CDV3: variants seen among roughly 807,000 people sequenced by gnomAD.
CDV3 encodes CDV3 homolog.
Under a neutral mutation model 24.5 loss-of-function variants are expected in CDV3, and 14 were observed. That is an observed-to-expected ratio of 0.57 (90% CI 0.38 to 0.89). The LOEUF (loss-of-function observed/expected upper bound fraction) is 0.89, where lower values mean the gene tolerates loss of function less well. Ranked by LOEUF, CDV3 falls within the 40% of genes least tolerant of loss-of-function variation. The pLI, the probability that CDV3 is intolerant of heterozygous loss-of-function variation, is 0.00. For synonymous variants in CDV3, 114 were observed against 114.1 expected (o/e 1.00, Z 0.00); for missense variants, 304 against 310.2 (o/e 0.98, Z 0.15).
chr3:133,589,471 CAA>C lies in CDV3; in HGVS notation c.*1426_*1427del, dbSNP rs752385000. 2 of 152,618 alleles carry C rather than the reference CAA, an allele frequency of 1.3e-5. No individual in the cohort carries two copies. The highest frequency in any genetic ancestry group is 2.9e-5 in the Non-Finnish European group (2 of 68,042). 9.5% of individuals were successfully genotyped at this position (152,618 alleles called of 1,614,324 possible). A position where few individuals can be genotyped will look rare whatever the true frequency, so the allele number is the denominator to read the frequency against. ...GGATTACAGAAGAGTGTCCACCTAA[CAA>C]GATGGTCTGGCAGTTTCCTAGTTTT... On this transcript the variant is annotated 3_prime_UTR_variant, in exon 5 of 5. Coordinates refer to ENST00000264993, the MANE Select transcript of CDV3 (RefSeq NM_017548.5).
At chr3:133,578,265 C>A (rs572052010) in intron 2 of CDV3, among the ~76,000 whole-genome samples, 3 of 152,176 alleles carry the variant, frequency 2.0e-5, no homozygotes, top group Non-Finnish European at 4.4e-5. Flanking sequence ...AGCTGCTAGG[C>A]CCAGCCACTT....
At chr3:133,581,413 A>AT (rs1355608414) in intron 2 of CDV3, among the ~76,000 whole-genome samples, 7 of 152,172 alleles carry the variant, frequency 4.6e-5, no homozygotes, top group African/African-American at 1.7e-4. Flanking sequence ...ATAAAAAATG[A>AT]TTTTTTATGT....
intron 3 of CDV3, among the ~76,000 whole-genome samples, chr3:133,586,305 C>T (rs557016694): frequency 6.6e-6 from 1 of 151,880 alleles, no homozygotes; most frequent in Non-Finnish European, 1.5e-5. Flanking sequence ...CATGTTGGCC[C>T]AGCTGGTCTT....
intron 2 of CDV3, among the ~76,000 whole-genome samples, chr3:133,576,018 A>G (rs2074792547): frequency 6.6e-6 from 1 of 152,258 alleles, no homozygotes; most frequent in Non-Finnish European, 1.5e-5. Context: ...TGCGAGGCAC[A>G]GTGGAGGAAA....
Position 133,587,891 on chromosome 3 carries a change from C to A in CDV3, c.627-5C>A, listed in dbSNP as rs775558972. 6.3e-7 allele frequency: 1 copy of A among 1,596,780 alleles called. No individual in the cohort carries two copies. The highest frequency in any genetic ancestry group is 1.1e-5 in the South Asian group (1 of 88,950). ...TATTTACTGATTACATTTCTTTTCC[C>A]TTAGGGATAAAGAAATGGAGAAGAG... On this transcript the variant is annotated splice_region_variant and splice_polypyrimidine_tract_variant and intron_variant, in intron 4 of 4. Transcript: ENST00000264993.
Position 133,574,074 on chromosome 3 carries a change from C to A in CDV3, c.30C>A (p.Asp10Glu). 1.6e-6 allele frequency: 2 copies of A among 1,237,800 alleles called. No homozygotes were observed. Among genetic ancestry groups the A allele is most frequent in the Non-Finnish European group, 1.0e-6 (1 of 965,098 alleles). 76.7% of individuals were successfully genotyped at this position (1,237,800 alleles called of 1,614,324 possible). The change falls in exon 1 of 5, where the codon GAC (aspartate) becomes GAA (glutamate). Residue 10 changes from aspartate to glutamate, a missense_variant. Asp to Glu is a conservative substitution (Grantham distance 45). Coordinates refer to ENST00000264993, the MANE Select transcript of CDV3 (RefSeq NM_017548.5). ...CTGAGACGGAGGAGCGGAGCCTGGA[C>A]AACTTCTTTGCCAAGAGGGACAAGA... MAETEERSLDNFFAKRDKKK... is the reference protein window; with the variant it reads MAETEERSLENFFAKRDKKK...
At chr3:133,578,039 G>A (rs2074882952) in intron 2 of CDV3, among the ~76,000 whole-genome samples, 1 of 152,074 alleles carries the variant, frequency 6.6e-6, no homozygotes, top group Admixed American at 6.5e-5. Flanking sequence ...ACCCAGGTTG[G>A]AATGCAGTGG....
chr3:133,576,861 T>TTTTTTTTTTTTTG (rs2074833513), intron 2 of CDV3, among the ~76,000 whole-genome samples: 1 of 137,426 alleles, frequency 7.3e-6, no homozygotes, highest in Non-Finnish European at 1.6e-5. Flanking sequence ...TTTTTTTTTT[T>TTTTTTTTTTTTTG]TTTGAGACGA....
Position 133,588,154 on chromosome 3 carries a change from A to C in CDV3, c.*108A>C. The C allele has an allele frequency of 1.9e-6, 3 of 1,553,462 alleles. No homozygotes were observed. Among genetic ancestry groups the C allele is most frequent in the Non-Finnish European group, 2.6e-6 (3 of 1,151,384 alleles). On this transcript the variant is annotated 3_prime_UTR_variant, in exon 5 of 5. Transcript: ENST00000264993. ...GGATCTACAGACACCGATGCAGACC[A>C]CTCGATTTCATGACCGGCCCTATTG...
intron 2 of CDV3, among the ~76,000 whole-genome samples, chr3:133,579,482 A>G (rs765204550): frequency 1.3e-5 from 2 of 152,260 alleles, no homozygotes; most frequent in African/African-American, 4.8e-5. Flanking sequence ...ATGAAAAAGT[A>G]ATAAAATATG....
Position 133,589,902 on chromosome 3 carries a change from G to A in CDV3, c.*1856G>A, listed in dbSNP as rs1933949985. On this transcript the variant is annotated 3_prime_UTR_variant, in exon 5 of 5. Transcript: ENST00000264993. Reference sequence around the variant, plus strand: ...AAACTGAAGACTTTTATTTGGGAATGAAAAACCTTAAAAAAATCTCTTCAT... The same window carrying A: ...AAACTGAAGACTTTTATTTGGGAATAAAAAACCTTAAAAAAATCTCTTCAT... 1 of 152,156 alleles carries A rather than the reference G, an allele frequency of 6.6e-6. No homozygotes were observed. The highest frequency in any genetic ancestry group is 2.4e-5 in the African/African-American group (1 of 41,436). 9.4% of individuals were successfully genotyped at this position (152,156 alleles called of 1,614,324 possible). A position where few individuals can be genotyped will look rare whatever the true frequency, so the allele number is the denominator to read the frequency against.
intron 1 of CDV3, chr3:133,574,770 TC>T (rs1213892507): frequency 9.0e-7 from 1 of 1,106,596 alleles, no homozygotes; most frequent in Non-Finnish European, 1.1e-6. Context: ...GTTGTGAAAT[TC>T]CTATTGACTT....
chr3:133,575,341 C>T (rs2074766046), intron 2 of CDV3, among the ~76,000 whole-genome samples: 2 of 152,226 alleles, frequency 1.3e-5, no homozygotes, highest in East Asian at 1.9e-4. Context: ...AGCTTGCCTA[C>T]TTCCAGTTCT....
intron 2 of CDV3, among the ~76,000 whole-genome samples, chr3:133,578,259 G>T (rs1348018954): frequency 3.3e-5 from 5 of 152,162 alleles, no homozygotes; most frequent in Non-Finnish European, 7.3e-5. Context: ...CGCATGAGCT[G>T]CTAGGCCCAG....
intron 4 of CDV3, 68 bp downstream of exon 4, chr3:133,586,790 G>A (rs1159139435): frequency 1.1e-6 from 1 of 945,272 alleles, no homozygotes; most frequent in Non-Finnish European, 1.7e-6. Flanking sequence ...GGGATATAGG[G>A]GATGTGCATA....
chr3:133,574,007 C>G lies in CDV3; in HGVS notation c.-38C>G, dbSNP rs1221986017. The G allele has an allele frequency of 1.9e-6, 2 of 1,038,866 alleles. No individual in the cohort carries two copies. Among genetic ancestry groups the G allele is most frequent in the Non-Finnish European group, 2.3e-6 (2 of 861,552 alleles). 64.4% of individuals were successfully genotyped at this position (1,038,866 alleles called of 1,614,324 possible). Reference sequence around the variant, plus strand: ...TCGGAGCCCCGCGGGCCGCGCCCGCCGCCGGCCCCACCCATCCGGGTCGAG... The same window carrying G: ...TCGGAGCCCCGCGGGCCGCGCCCGCGGCCGGCCCCACCCATCCGGGTCGAG... On this transcript the variant is annotated 5_prime_UTR_variant, in exon 1 of 5. Transcript: ENST00000264993.
At chr3:133,579,100 C>T (rs2074924185) in intron 2 of CDV3, among the ~76,000 whole-genome samples, 1 of 152,198 alleles carries the variant, frequency 6.6e-6, no homozygotes, top group Non-Finnish European at 1.5e-5. Context: ...TATGTTTCCT[C>T]ATACATACAT....
intron 3 of CDV3, 151 bp downstream of exon 3, chr3:133,584,301 A>C: frequency 1.9e-6 from 1 of 532,166 alleles, no homozygotes; most frequent in Non-Finnish European, 3.3e-6. Context: ...ATATCTTGTT[A>C]AAGACTTTAA....
Position 133,574,056 on chromosome 3 carries a change from G to A in CDV3, c.12G>A (p.Thr4=). ...AGGAGGCCGAGGCCATGGCTGAGAC[G>A]GAGGAGCGGAGCCTGGACAACTTCT... The part of the protein sequence containing the change: MAE[T]EERSLDNFFA... Residue 4 remains threonine (T), a synonymous_variant, in exon 1 of 5, where the codon ACG becomes ACA. Transcript: ENST00000264993. 1 of 1,212,610 alleles carries A rather than the reference G, an allele frequency of 8.2e-7. No homozygotes were observed. Among genetic ancestry groups the A allele is most frequent in the Non-Finnish European group, 1.1e-6 (1 of 950,722 alleles). The allele number at this position is 1,212,610 out of a possible 1,614,324, so 75.1% of individuals were successfully genotyped here.
Sources: allele counts gnomAD v4.1 joint callset (sites outside exome capture counted in the v4.1 genomes callset), GRCh38; gene constraint gnomAD v4.1.1; transcripts MANE v1.5; gene names NCBI Gene and HGNC (gene_info 2026-07-23, HGNC 2026-07-21).